HDHD2: variants seen among roughly 807,000 people sequenced by gnomAD.
The protein encoded by HDHD2 is haloacid dehalogenase like hydrolase domain containing 2.
Under a neutral mutation model 24.8 loss-of-function variants are expected in HDHD2, and 26 were observed. That is an observed-to-expected ratio of 1.05 (90% CI 0.77 to 1.45). The LOEUF is 1.45. Among genes scored for constraint, HDHD2 ranks in the 40% most tolerant of loss-of-function variants. The pLI is 0.00. For synonymous variants in HDHD2, 128 were observed against 114.9 expected (o/e 1.11, Z -0.73); for missense variants, 299 against 313.4 (o/e 0.95, Z 0.35).
chr18:47,138,153 T>C (rs1481570892), intron 1 of HDHD2, among the ~76,000 whole-genome samples: 5 of 111,700 alleles, frequency 4.5e-5, no homozygotes, highest in Admixed American at 2.8e-4. Flanking sequence ...GCCTGGGCGA[T>C]AGTGTGAGAT....
At chr18:47,114,978 T>C (rs1455404212) in intron 5 of HDHD2, among the ~76,000 whole-genome samples, 154 bp downstream of exon 5, 1 of 152,098 alleles carries the variant, frequency 6.6e-6, no homozygotes. Context: ...CCACTAAACA[T>C]CGACAGGAAA....
At chr18:47,130,194 G>A in intron 4 of HDHD2, 50 bp downstream of exon 4, 1 of 1,150,390 alleles carries the variant, frequency 8.7e-7, no homozygotes, top group South Asian at 1.4e-5. Flanking sequence ...CAAAAGGAAA[G>A]GAAGAAGGGA....
chr18:47,137,540 T>C (rs942214999), intron 1 of HDHD2, among the ~76,000 whole-genome samples: 1 of 152,168 alleles, frequency 6.6e-6, no homozygotes, highest in South Asian at 2.1e-4. Flanking sequence ...CAAGTGGAGA[T>C]GGGATGGGGA....
chr18:47,112,033 A>G (rs2063519798), intron 6 of HDHD2, among the ~76,000 whole-genome samples: 1 of 152,228 alleles, frequency 6.6e-6, no homozygotes, highest in Non-Finnish European at 1.5e-5. Context: ...TGATTCTTGG[A>G]CAAGATTTCT....
chr18:47,136,651 T>TAAAA (rs145855456), intron 1 of HDHD2, among the ~76,000 whole-genome samples: 58 of 149,052 alleles, frequency 3.9e-4, no homozygotes, highest in African/African-American at 6.4e-4. Context: ...GGTTTTTTTT[T>TAAAA]AAAAAAAAAA....
intron 4 of HDHD2, among the ~76,000 whole-genome samples, chr18:47,124,316 G>C (rs780678320): frequency 3.3e-5 from 5 of 152,146 alleles, no homozygotes; most frequent in Admixed American, 6.5e-5. Flanking sequence ...TTAAGAACCT[G>C]ATCTTCTCAT....
Position 47,130,233 on chromosome 18 carries a change from G to C in HDHD2, c.395+11C>G. On this transcript the variant is annotated intron_variant, in intron 4 of 6. Coordinates refer to ENST00000300605, the MANE Select transcript of HDHD2 (RefSeq NM_032124.5). ...ATTATGATCAGATGAAAAATAAATAGCTAGGTTTACCGGAATGCTTGATTC... is the reference window on the plus strand; with the variant it reads ...ATTATGATCAGATGAAAAATAAATACCTAGGTTTACCGGAATGCTTGATTC... The C allele has an allele frequency of 6.6e-7, 1 of 1,508,744 alleles. No homozygotes were observed. Among genetic ancestry groups the C allele is most frequent in the Non-Finnish European group, 9.2e-7 (1 of 1,090,158 alleles). The allele number at this position is 1,508,744 out of a possible 1,614,324, so 93.5% of individuals were successfully genotyped here.
At chr18:47,137,243 T>C (rs1454090924) in intron 1 of HDHD2, 1 of 584,108 alleles carries the variant, frequency 1.7e-6, no homozygotes, top group African/African-American at 1.9e-5. Flanking sequence ...ACCTGCACAT[T>C]TGGAAATGGA....
At chr18:47,148,619 C>G (rs985090609) in intron 1 of HDHD2, among the ~76,000 whole-genome samples, 3 of 152,208 alleles carry the variant, frequency 2.0e-5, no homozygotes, top group Non-Finnish European at 4.4e-5. Flanking sequence ...TCCTTTCACC[C>G]TCAAAGGTGC....
chr18:47,121,552 T>G (rs892162894), intron 4 of HDHD2, among the ~76,000 whole-genome samples: 2 of 152,248 alleles, frequency 1.3e-5, no homozygotes, highest in African/African-American at 4.8e-5. Context: ...CTTGACCTAT[T>G]ACTCCAATCC....
At chr18:47,142,319 T>C (rs1468598299) in intron 1 of HDHD2, among the ~76,000 whole-genome samples, 2 of 152,174 alleles carry the variant, frequency 1.3e-5, no homozygotes, top group African/African-American at 4.8e-5. Context: ...TCTTTCCTGT[T>C]AACTAGATAT....
chr18:47,108,982 T>C, intron 6 of HDHD2, 197 bp from the exon 7 acceptor site: 1 of 546,662 alleles, frequency 1.8e-6, no homozygotes, highest in East Asian at 3.2e-5. Context: ...CATTCAGCCT[T>C]TCCCCAGGCC....
chr18:47,137,017 C>G, intron 1 of HDHD2: 1 of 673,642 alleles, frequency 1.5e-6, no homozygotes, highest in Non-Finnish European at 2.8e-6. Flanking sequence ...TGGCAGTCAC[C>G]ATGGCCAACA....
At chr18:47,138,174 A>C (rs1372182323) in intron 1 of HDHD2, among the ~76,000 whole-genome samples, 1 of 39,180 alleles carries the variant, frequency 2.6e-5, no homozygotes, top group Non-Finnish European at 6.6e-5. Flanking sequence ...TCTGTCGCAA[A>C]AAAAAAAAAA....
chr18:47,142,210 A>G (rs922452663), intron 1 of HDHD2, among the ~76,000 whole-genome samples: 7 of 151,980 alleles, frequency 4.6e-5, no homozygotes, highest in African/African-American at 1.7e-4. Flanking sequence ...AAAGAATAAT[A>G]TTTTGTGATA....
intron 2 of HDHD2, among the ~76,000 whole-genome samples, chr18:47,135,285 G>T (rs2063754874): frequency 6.9e-6 from 1 of 145,764 alleles, no homozygotes; most frequent in African/African-American, 2.5e-5. Context: ...TTTTGAGACG[G>T]AGTTTCACTC....
intron 1 of HDHD2, among the ~76,000 whole-genome samples, chr18:47,148,522 G>A (rs2063896771): frequency 6.6e-6 from 1 of 152,118 alleles, no homozygotes; most frequent in Non-Finnish European, 1.5e-5. Context: ...AAGAAGAAAA[G>A]CCATATTCTC....
intron 4 of HDHD2, among the ~76,000 whole-genome samples, chr18:47,119,043 T>G (rs990882782): frequency 1.1e-4 from 17 of 152,200 alleles, no homozygotes; most frequent in African/African-American, 3.9e-4. Context: ...AAAAAGTATG[T>G]GTGTTAATTT....
Position 47,108,662 on chromosome 18 carries a change from C to T in HDHD2, c.*20G>A, listed in dbSNP as rs745951685. On this transcript the variant is annotated 3_prime_UTR_variant, in exon 7 of 7. Transcript: ENST00000300605. ...CAATAAGAAGCTGCATTTCAAGTTGCTTCAGATGCACACACTGCTTCACAA... is the reference window on the plus strand; with the variant it reads ...CAATAAGAAGCTGCATTTCAAGTTGTTTCAGATGCACACACTGCTTCACAA... The T allele has an allele frequency of 2.2e-6, 3 of 1,340,516 alleles. No individual in the cohort carries two copies. Among genetic ancestry groups the T allele is most frequent in the African/African-American group, 2.9e-5 (2 of 68,400 alleles). 83.0% of individuals were successfully genotyped at this position (1,340,516 alleles called of 1,614,324 possible).
Sources: allele counts gnomAD v4.1 joint callset (sites outside exome capture counted in the v4.1 genomes callset), GRCh38; gene constraint gnomAD v4.1.1; transcripts MANE v1.5; gene names NCBI Gene and HGNC (gene_info 2026-07-23, HGNC 2026-07-21).